Variants in CHRM3 observed in about 807,000 individuals in gnomAD.
CHRM3 encodes cholinergic receptor muscarinic 3.
A neutral mutation model predicts 41.8 loss-of-function variants in CHRM3; 11 were observed. The ratio of observed to expected loss-of-function variants is 0.26; its 90% CI spans 0.17 to 0.44. The LOEUF (loss-of-function observed/expected upper bound fraction) is 0.44, where lower values mean the gene tolerates loss of function less well. Ranked by LOEUF, CHRM3 falls within the 20% of genes least tolerant of loss-of-function variation. The probability of loss-of-function intolerance (pLI) is 1.00; values close to 1 mark genes in which losing one functional copy is unlikely to be tolerated. For missense variants in CHRM3, 571 were observed against 745.4 expected (o/e 0.77, Z 2.72); for synonymous variants, 297 against 301.4 (o/e 0.99, Z 0.15).
chr1:239,526,625 G>T (rs1670012384), intron 2 of CHRM3, among the ~76,000 whole-genome samples: 2 of 152,168 alleles, frequency 1.3e-5, no homozygotes, highest in Admixed American at 1.3e-4. Context: ...AAGTGCAAAT[G>T]AATGCACTTT....
chr1:239,793,803 A>ATTTTTTT (rs67460907), intron 5 of CHRM3, among the ~76,000 whole-genome samples: 3,246 of 69,516 alleles, frequency 0.047, 328 homozygotes, highest in South Asian at 0.076. Flanking sequence ...TGAAATGTGT[A>ATTTTTTT]TTTTTTTTTT....
intron 1 of CHRM3, among the ~76,000 whole-genome samples, chr1:239,393,477 A>G (rs1276328016): frequency 6.6e-6 from 1 of 152,190 alleles, no homozygotes; most frequent in African/African-American, 2.4e-5. Flanking sequence ...CCGATAACAC[A>G]TGCCACATGC....
chr1:239,642,023 G>A (rs1191563258), intron 4 of CHRM3, among the ~76,000 whole-genome samples: 2 of 126,994 alleles, frequency 1.6e-5, no homozygotes, highest in Middle Eastern at 3.8e-3. Context: ...CTCCACTTAT[G>A]AAGCTTAGTT....
intron 6 of CHRM3, among the ~76,000 whole-genome samples, chr1:239,890,257 G>A (rs563860045): frequency 3.9e-5 from 6 of 151,996 alleles, no homozygotes; most frequent in Admixed American, 6.6e-5. Flanking sequence ...GGCTGCAGGA[G>A]GTGAGGTTGC....
chr1:239,565,276 G>T (rs906238920), intron 3 of CHRM3, among the ~76,000 whole-genome samples: 6 of 152,098 alleles, frequency 3.9e-5, no homozygotes, highest in Non-Finnish European at 7.3e-5. Flanking sequence ...CTAATAATTA[G>T]GACCATGATT....
chr1:239,894,589 T>C (rs750588324), intron 6 of CHRM3, among the ~76,000 whole-genome samples: 1 of 152,128 alleles, frequency 6.6e-6, no homozygotes, highest in Non-Finnish European at 1.5e-5. Flanking sequence ...TGTGCCACCA[T>C]ACCTGGCTAA....
chr1:239,637,866 A>C, intron 4 of CHRM3, among the ~76,000 whole-genome samples: 1 of 146,188 alleles, frequency 6.8e-6, no homozygotes, highest in Non-Finnish European at 1.5e-5. Context: ...GCACCCATTA[A>C]CTCGTCATTT....
At chr1:239,853,509 T>A (rs922259370) in intron 6 of CHRM3, among the ~76,000 whole-genome samples, 2 of 152,046 alleles carry the variant, frequency 1.3e-5, no homozygotes, top group Non-Finnish European at 2.9e-5. Flanking sequence ...TTCTTATACA[T>A]TTAATAAAAC....
chr1:239,434,975 A>G (rs141667761), intron 1 of CHRM3, among the ~76,000 whole-genome samples: 132 of 152,314 alleles, frequency 8.7e-4, no homozygotes, highest in African/African-American at 3.0e-3. Context: ...CATGCTGCTA[A>G]TTGCTTCATG....
chr1:239,807,822 A>G (rs955075499), intron 5 of CHRM3, among the ~76,000 whole-genome samples: 33 of 78,242 alleles, frequency 4.2e-4, no homozygotes, highest in Middle Eastern at 5.7e-3. Flanking sequence ...CTTTGCGCAC[A>G]CACACACACA....
At chr1:239,837,329 A>C (rs1164298232) in intron 6 of CHRM3, among the ~76,000 whole-genome samples, 1 of 152,206 alleles carries the variant, frequency 6.6e-6, no homozygotes, top group Non-Finnish European at 1.5e-5. Flanking sequence ...TAGAATCGCA[A>C]AATGAGAATG....
intron 6 of CHRM3, among the ~76,000 whole-genome samples, chr1:239,871,315 C>T (rs1227650297): frequency 2.6e-5 from 4 of 152,094 alleles, no homozygotes; most frequent in East Asian, 3.9e-4. Context: ...GATTTCGGCT[C>T]ACTGCAACCT....
chr1:239,387,781 A>G lies in CHRM3; in HGVS notation c.-521+554A>G, dbSNP rs559772605. Among the ~76,000 whole-genome samples the G allele has an allele frequency of 5.1e-4, 77 of 152,198 alleles. No homozygotes were observed. Among genetic ancestry groups the G allele is most frequent in the Admixed American group, 3.0e-3 (46 of 15,292 alleles). On this transcript the variant is annotated intron_variant, in intron 1 of 6. Transcript: ENST00000676153. This position sits in a 1 kb window ranked among gnomAD's most constrained non-coding sequence, Gnocchi z 5.1. ...GGGCCGCAAGTTCGGATTGCATTTC[A>G]GGGGGCGAGAAGGCAAATTTGGCAC...
At chr1:239,866,620 A>G (rs1676132327) in intron 6 of CHRM3, among the ~76,000 whole-genome samples, 1 of 152,212 alleles carries the variant, frequency 6.6e-6, no homozygotes, top group Non-Finnish European at 1.5e-5. Context: ...TATTACTGTC[A>G]CATCTTTATA....
rs1553288500 is a variant in CHRM3, at chr1:239,864,548, A to ACACG, written c.-20+37173_-20+37174insGCAC. The stretch of plus-strand genomic sequence containing the variant: ...CACACACACACACACACACACACGC[A>ACACG]CACACACACACATATACATATATAC... On this transcript the variant is annotated intron_variant, in intron 6 of 6. Coordinates refer to ENST00000676153, the MANE Select transcript of CHRM3 (RefSeq NM_001375978.1). 1.5e-3 allele frequency among the ~76,000 whole-genome samples: 224 copies of ACACG among 148,044 alleles called. 2 individuals carry two copies. The highest frequency in any genetic ancestry group is 2.8e-3 in the Non-Finnish European group (190 of 67,766).
At chr1:239,612,131 C>T (rs966286563) in intron 3 of CHRM3, among the ~76,000 whole-genome samples, 30 of 152,146 alleles carry the variant, frequency 2.0e-4, no homozygotes. Flanking sequence ...AAGCACCACG[C>T]CTTTTTTTGT....
chr1:239,643,041 G>A (rs942436467), intron 4 of CHRM3, among the ~76,000 whole-genome samples: 2 of 152,204 alleles, frequency 1.3e-5, no homozygotes, highest in East Asian at 1.9e-4. Context: ...TCCAGACCCT[G>A]TTTGCCTGGG....
chr1:239,720,285 A>C (rs1398104276), intron 5 of CHRM3: 1 of 151,990 alleles, frequency 6.6e-6, no homozygotes, highest in Non-Finnish European at 1.5e-5. Flanking sequence ...ATGTTTTTCT[A>C]AAACAAAAAA....
At chr1:239,684,670 G>T (rs1470909899) in intron 5 of CHRM3, among the ~76,000 whole-genome samples, 1 of 122,652 alleles carries the variant, frequency 8.2e-6, no homozygotes, top group African/African-American at 3.1e-5. Flanking sequence ...AAAAAAGAAA[G>T]AAAAAAAGGA....
Sources: allele counts gnomAD v4.1 joint callset (sites outside exome capture counted in the v4.1 genomes callset), GRCh38; gene constraint gnomAD v4.1.1; non-coding constraint Gnocchi (gnomAD v3.1); transcripts MANE v1.5; gene names NCBI Gene and HGNC (gene_info 2026-07-23, HGNC 2026-07-21).